Variants in TTC28 observed in about 807,000 individuals in gnomAD.
The protein encoded by TTC28 is tetratricopeptide repeat domain 28.
A neutral mutation model predicts 198.0 loss-of-function variants in TTC28; 61 were observed. The ratio of observed to expected loss-of-function variants is 0.31; its 90% CI spans 0.25 to 0.38. The LOEUF is 0.38. Among genes scored for constraint, TTC28 ranks in the 10% least tolerant of loss-of-function variants. The probability of loss-of-function intolerance (pLI) is 1.00; values close to 1 mark genes in which losing one functional copy is unlikely to be tolerated. For synonymous variants in TTC28, 1,171 were observed against 1,297.8 expected, an observed-to-expected ratio of 0.90 and a Z score of 2.10; for missense variants, 2,678 against 3,164.0, an observed-to-expected ratio of 0.85 and a Z score of 3.69.
At chr22:28,157,566 A>G (rs1332779627) in intron 6 of TTC28, among the ~76,000 whole-genome samples, 1 of 152,228 alleles carries the variant, frequency 6.6e-6, no homozygotes, top group East Asian at 1.9e-4. Flanking sequence ...ACAATATATT[A>G]GAAAGATTAT....
At chr22:28,045,491 T>C (rs747884266) in intron 12 of TTC28, among the ~76,000 whole-genome samples, 5 of 152,234 alleles carry the variant, frequency 3.3e-5, no homozygotes, top group South Asian at 2.1e-4. Context: ...ATGGGTAAAA[T>C]AGAGATAATA....
intron 2 of TTC28, among the ~76,000 whole-genome samples, chr22:28,442,550 G>T (rs1356253575): frequency 1.3e-5 from 2 of 152,216 alleles, no homozygotes; most frequent in Non-Finnish European, 2.9e-5. Context: ...CCCACGCCCC[G>T]CCATGGGGCA....
intron 5 of TTC28, among the ~76,000 whole-genome samples, chr22:28,178,736 T>C (rs1923418636): frequency 6.6e-6 from 1 of 152,236 alleles, no homozygotes; most frequent in South Asian, 2.1e-4. Flanking sequence ...ATATATGTTG[T>C]TTCATTGATC....
At chr22:28,163,731 G>C (rs1921523098) in intron 5 of TTC28, 132 bp from the exon 6 acceptor site, 1 of 1,025,802 alleles carries the variant, frequency 9.7e-7, no homozygotes, top group Admixed American at 2.9e-5. Context: ...CCCAGCGTGA[G>C]TGACGCAGAA....
chr22:28,428,607 A>ATTATTTTATTTTATTTTATTTTATT (rs202173981), intron 2 of TTC28, among the ~76,000 whole-genome samples: 2 of 142,114 alleles, frequency 1.4e-5, no homozygotes, highest in Non-Finnish European at 3.1e-5. Context: ...TTCATGAATT[A>ATTATTTTATTTTATTTTATTTTATT]TTATTTTATT....
chr22:28,088,204 A>G (rs1460351527), intron 12 of TTC28, among the ~76,000 whole-genome samples: 1 of 152,204 alleles, frequency 6.6e-6, no homozygotes, highest in East Asian at 1.9e-4. Flanking sequence ...CGCATTGCCA[A>G]GTCAATCTTA....
chr22:28,445,396 C>G (rs2047687454), intron 2 of TTC28, among the ~76,000 whole-genome samples: 1 of 152,114 alleles, frequency 6.6e-6, no homozygotes, highest in African/African-American at 2.4e-5. Flanking sequence ...TCAGGTTCTC[C>G]AGGAATTACC....
chr22:28,192,518 C>T (rs182787118), intron 5 of TTC28, among the ~76,000 whole-genome samples: 5 of 152,016 alleles, frequency 3.3e-5, no homozygotes, highest in African/African-American at 4.8e-5. Flanking sequence ...GGAGGATGTT[C>T]GAAGAAAAGA....
intron 12 of TTC28, among the ~76,000 whole-genome samples, chr22:28,085,418 A>G (rs1941546444): frequency 1.3e-5 from 2 of 152,200 alleles, no homozygotes; most frequent in East Asian, 1.9e-4. Context: ...ACTAAGCTTC[A>G]TAAGTGAAGG....
At chr22:28,121,888 G>T (rs746967198) in intron 6 of TTC28, among the ~76,000 whole-genome samples, 9 of 152,152 alleles carry the variant, frequency 5.9e-5, no homozygotes, top group Non-Finnish European at 1.3e-4. Context: ...TTTTGTTTGA[G>T]ACAGAGTCTT....
intron 1 of TTC28, among the ~76,000 whole-genome samples, chr22:28,632,734 A>G (rs944687116): frequency 6.6e-6 from 1 of 151,790 alleles, no homozygotes; most frequent in Non-Finnish European, 1.5e-5. Context: ...AAAGTAAGAT[A>G]AACTGTTAGA....
At chr22:28,351,229 G>A (rs2045991619) in intron 2 of TTC28, among the ~76,000 whole-genome samples, 1 of 152,014 alleles carries the variant, frequency 6.6e-6, no homozygotes, top group Non-Finnish European at 1.5e-5. Context: ...GGAAAGGACT[G>A]GCAACACTGC....
At chr22:28,640,570 T>A (rs113751953) in intron 1 of TTC28, among the ~76,000 whole-genome samples, 1 of 144,506 alleles carries the variant, frequency 6.9e-6, no homozygotes, top group Non-Finnish European at 1.6e-5. Context: ...ACTGTTAAAA[T>A]AATAATAATA....
intron 5 of TTC28, among the ~76,000 whole-genome samples, chr22:28,203,117 G>T (rs946688714): frequency 2.0e-5 from 3 of 151,876 alleles, no homozygotes; most frequent in Admixed American, 1.3e-4. Context: ...GCTTATTTGC[G>T]CATATTAAAT....
At chr22:28,621,630 C>T (rs2050999635) in intron 2 of TTC28, among the ~76,000 whole-genome samples, 1 of 150,384 alleles carries the variant, frequency 6.6e-6, no homozygotes, top group African/African-American at 2.4e-5. Flanking sequence ...GTAGTCCCAG[C>T]TACTCAGGAG....
chr22:28,272,021 G>A (rs1932117402), intron 5 of TTC28, among the ~76,000 whole-genome samples: 1 of 152,134 alleles, frequency 6.6e-6, no homozygotes, highest in African/African-American at 2.4e-5. Flanking sequence ...CCAGTCACTT[G>A]TAACTGAGAG....
At position 28,660,878 on chromosome 22, in the gene TTC28, G is replaced by A. The variant is rs893491640; in HGVS notation, c.102+18744C>T. ...TCACCATATTGGCCAGAATGGTCTC[G>A]AACTCCTGACCTCATGATCTGAGAA... On this transcript the variant is annotated intron_variant, in intron 1 of 22. Coordinates refer to ENST00000397906, the MANE Select transcript of TTC28 (RefSeq NM_001145418.2). 4.0e-5 allele frequency among the ~76,000 whole-genome samples: 6 copies of A among 151,630 alleles called. No individual in the cohort carries two copies. The East Asian group carries it at 5.8e-4, about 15-fold the overall frequency.
chr22:28,489,442 G>C (rs2048348806), intron 2 of TTC28, among the ~76,000 whole-genome samples: 1 of 152,092 alleles, frequency 6.6e-6, no homozygotes, highest in Non-Finnish European at 1.5e-5. Flanking sequence ...AAGCATTTTA[G>C]AATTGCATCC....
At chr22:28,066,889 C>T (rs950497972) in intron 12 of TTC28, among the ~76,000 whole-genome samples, 3 of 152,140 alleles carry the variant, frequency 2.0e-5, no homozygotes, top group Non-Finnish European at 4.4e-5. Flanking sequence ...TGTGGCACTG[C>T]ACCCCCTACC....
Sources: gnomAD v4.1 joint callset for allele counts (sites outside exome capture counted in the v4.1 genomes callset) on GRCh38, gnomAD v4.1.1 for gene constraint, MANE v1.5 for transcripts, NCBI Gene and HGNC (gene_info 2026-07-23, HGNC 2026-07-21) for gene names.